Variants in FARP2 observed in about 807,000 individuals in gnomAD.
The protein encoded by FARP2 is FERM, ARHGEF and pleckstrin domain-containing protein 2.
Under a neutral mutation model 130.5 loss-of-function variants are expected in FARP2, and 111 were observed. The ratio of observed to expected loss-of-function variants is 0.85; its 90% CI spans 0.73 to 1.00. The LOEUF (loss-of-function observed/expected upper bound fraction) is 1.00. Among genes scored for constraint, FARP2 ranks in the 50% least tolerant of loss-of-function variants. The probability of loss-of-function intolerance (pLI) is 0.00; values close to 1 mark genes in which losing one functional copy is unlikely to be tolerated. For synonymous variants in FARP2, 504 were observed against 516.9 expected, an observed-to-expected ratio of 0.98 and a Z score of 0.34; for missense variants, 1,385 against 1,346.3, an observed-to-expected ratio of 1.03 and a Z score of -0.45.
intron 8 of FARP2, among the ~76,000 whole-genome samples, chr2:241,430,697 A>G (rs2063068999): frequency 1.3e-5 from 2 of 152,146 alleles, no homozygotes; most frequent in South Asian, 4.2e-4. Context: ...ATTTTGCAAT[A>G]AAACCTTATC....
At position 241,491,545 on chromosome 2, in the gene FARP2, G is replaced by A. The variant is rs1485369801; in HGVS notation, c.2653G>A (p.Glu885Lys). Residue 885 changes from glutamate to lysine, a missense_variant, in exon 24 of 27, where the codon GAG becomes AAG. By Grantham distance (56) the Glu-to-Lys change is moderately conservative. Coordinates refer to ENST00000264042, the MANE Select transcript of FARP2 (RefSeq NM_014808.4). ...RSPNEVSLEQ[E>K]SEDDARGVRS... ...CCCCAACGAGGTATCTCTGGAGCAG[G>A]AGTCAGAAGATGATGCTCGGGGTGT... 11 of 1,613,712 alleles carry A rather than the reference G, an allele frequency of 6.8e-6. No individual in the cohort carries two copies. The highest frequency in any genetic ancestry group is 9.3e-6 in the Non-Finnish European group (11 of 1,179,894).
At chr2:241,378,429 T>TTTTTTTTTTTTTA (rs1575474116) in intron 2 of FARP2, among the ~76,000 whole-genome samples, 6 of 149,448 alleles carry the variant, frequency 4.0e-5, no homozygotes, top group African/African-American at 7.4e-5. Context: ...TTTTTTTTTT[T>TTTTTTTTTTTTTA]GAGTCAGGAT....
In FARP2 at chr2:241,475,936, G is replaced by A. The variant is rs771712014; in HGVS notation, c.2211G>A (p.Thr737=). 43 of 1,613,932 alleles carry A rather than the reference G, an allele frequency of 2.7e-5. No homozygotes were observed. The highest frequency in any genetic ancestry group is 2.1e-4 in the South Asian group (19 of 91,074). The part of the protein sequence containing the change: ...LIRLENLQKL[T]ELQRDLVGIE... ...GGCTGGAGAACCTGCAGAAGCTAAC[G>A]GAGCTGCAGCGGGACCTGGTGGGCA... Residue 737 remains threonine (T), a synonymous_variant, in exon 19 of 27, where the codon ACG becomes ACA. Transcript: ENST00000264042. The surrounding 1 kb of genome is among the most constrained non-coding windows in gnomAD (Gnocchi z 4.4).
intron 19 of FARP2, 26 bp from the exon 20 acceptor site, chr2:241,483,439 A>G: frequency 1.2e-6 from 2 of 1,610,220 alleles, no homozygotes; most frequent in Middle Eastern, 1.7e-4. Flanking sequence ...AGCCCGCTGA[A>G]AGGGGACTCT....
At chr2:241,484,016 A>T in intron 20 of FARP2, 1 of 1,344,862 alleles carries the variant, frequency 7.4e-7, no homozygotes, top group Non-Finnish European at 9.6e-7. Context: ...CTTCTCAGCC[A>T]AGCTAGCTGG....
At position 241,373,240 on chromosome 2, in the gene FARP2, C is replaced by T. The variant is rs61739735; in HGVS notation, c.133C>T (p.His45Tyr). Reference protein sequence around the residue: ...LLPRMQEKHLHLRVKLLDNTM... With the variant: ...LLPRMQEKHLYLRVKLLDNTM... Reference sequence around the variant, plus strand: ...GCCCAGAATGCAAGAGAAGCACCTGCACCTCAGAGTAAAGCTGCTGGACAA... The same window carrying T: ...GCCCAGAATGCAAGAGAAGCACCTGTACCTCAGAGTAAAGCTGCTGGACAA... Residue 45 changes from histidine (H) to tyrosine (Y), a missense_variant, in exon 2 of 27, where the codon CAC becomes TAC. Coordinates refer to ENST00000264042, the MANE Select transcript of FARP2 (RefSeq NM_014808.4). 6.2e-3 allele frequency: 9,601 copies of T among 1,553,528 alleles called. 40 individuals are homozygous for T. The highest frequency in any genetic ancestry group is 7.7e-3 in the Non-Finnish European group (8,819 of 1,143,074).
Position 241,466,692 on chromosome 2 carries a change from C to A in FARP2, c.1894-1448C>A, listed in dbSNP as rs116571422. ...CGCCTTCACTCCCCTTCCAACCACC[C>A]CCCCCCCCACCACCACCACCCGTAC... is the stretch of plus-strand genomic sequence containing the variant. On this transcript the variant is annotated intron_variant, in intron 17 of 26. Transcript: ENST00000264042. 8.6e-5 allele frequency: 57 copies of A among 661,146 alleles called. 1 individual carries two copies. The highest frequency in any genetic ancestry group is 9.6e-5 in the Non-Finnish European group (52 of 541,116). 41.0% of individuals were successfully genotyped at this position (661,146 alleles called of 1,614,324 possible).
chr2:241,493,526 C>A, intron 26 of FARP2, 82 bp downstream of exon 26: 2 of 1,370,726 alleles, frequency 1.5e-6, no homozygotes, highest in Non-Finnish European at 1.0e-6. Context: ...GTGGTGGAGG[C>A]AAGTTTTCTG....
At chr2:241,488,435 TA>T (rs1208224860) in intron 21 of FARP2, 2 of 150,188 alleles carry the variant, frequency 1.3e-5, no homozygotes, top group East Asian at 1.9e-4. Context: ...TTTTTTTTTT[TA>T]GATGGAGTCT....
intron 1 of FARP2, among the ~76,000 whole-genome samples, chr2:241,369,083 G>A (rs143775749): frequency 2.0e-5 from 3 of 152,122 alleles, no homozygotes; most frequent in Admixed American, 6.5e-5. Flanking sequence ...CCATGTTGAC[G>A]TCTGTCTGGG....
intron 2 of FARP2, among the ~76,000 whole-genome samples, chr2:241,389,006 T>G (rs994732437): frequency 1.3e-5 from 2 of 151,186 alleles, no homozygotes; most frequent in African/African-American, 2.4e-5. Flanking sequence ...TGAGGCGGGG[T>G]GAGGTGGCTC....
intron 7 of FARP2, among the ~76,000 whole-genome samples, chr2:241,417,039 G>T (rs1045325109): frequency 6.6e-6 from 1 of 152,040 alleles, no homozygotes; most frequent in Non-Finnish European, 1.5e-5. Flanking sequence ...AGTGGCTCTC[G>T]CCTGTAATCC....
Position 241,491,173 on chromosome 2 carries a change from C to A in FARP2, c.2617C>A (p.Pro873Thr). Reference sequence around the variant, plus strand: ...GCCAGGCCGCACTGTGTGCACTCGTCCCCCCAGTGAGTGCTGGCCACAACC... The same window carrying A: ...GCCAGGCCGCACTGTGTGCACTCGTACCCCCAGTGAGTGCTGGCCACAACC... ...ALPGRTVCTR[P>T]PRSPNEVSLE... Residue 873 changes from proline (P) to threonine (T), a missense_variant, in exon 23 of 27, where the codon CCC (proline) becomes ACC (threonine). Physicochemically the swap from Pro to Thr is conservative, Grantham distance 38. Transcript: ENST00000264042. The A allele has an allele frequency of 1.9e-6, 3 of 1,606,014 alleles. No individual in the cohort carries two copies. Among genetic ancestry groups the A allele is most frequent in the Non-Finnish European group, 1.7e-6 (2 of 1,173,328 alleles).
rs1283871086 is a variant in FARP2, at chr2:241,483,541, C to A, written c.2331+8C>A. On this transcript the variant is annotated splice_region_variant and intron_variant, in intron 20 of 26. Coordinates refer to ENST00000264042, the MANE Select transcript of FARP2 (RefSeq NM_014808.4). ...CAGAGGATGTTTTTTCTGGTAGGTT[C>A]TCTCCCCACTCAAGCTGTGCTTCCC... 6.2e-7 allele frequency: 1 copy of A among 1,613,176 alleles called. No individual in the cohort carries two copies.
At chr2:241,474,838 A>AATAAATAG (rs1286652929) in intron 18 of FARP2, among the ~76,000 whole-genome samples, 43 of 149,892 alleles carry the variant, frequency 2.9e-4, no homozygotes, top group African/African-American at 7.3e-4. Flanking sequence ...TAAATAAATA[A>AATAAATAG]AAAGAAAGAA....
At chr2:241,493,489 T>TCCGCTCAGCTCCCATTTCTACTC (rs1366337009) in intron 26 of FARP2, 45 bp downstream of exon 26, 1 of 1,581,682 alleles carries the variant, frequency 6.3e-7, no homozygotes, top group East Asian at 2.2e-5. Context: ...CATTTCGATG[T>TCCGCTCAGCTCCCATTTCTACTC]CCGCTCAGCT....
chr2:241,489,945 G>A lies in FARP2; in HGVS notation c.2422-17G>A, dbSNP rs368312940. 29 of 1,574,020 alleles carry A rather than the reference G, an allele frequency of 1.8e-5. No individual in the cohort carries two copies. The Middle Eastern group carries it at 6.7e-4, about 36-fold the overall frequency. On this transcript the variant is annotated splice_polypyrimidine_tract_variant and intron_variant, in intron 21 of 26. Transcript: ENST00000264042. ...CCTTCTTGGCCACAAGACTTGGACCGTTTCTCCCACCCACAGGTGGAAGAA... is the reference window on the plus strand; with the variant it reads ...CCTTCTTGGCCACAAGACTTGGACCATTTCTCCCACCCACAGGTGGAAGAA...
At chr2:241,479,337 G>A (rs181119131) in intron 19 of FARP2, among the ~76,000 whole-genome samples, 4 of 152,336 alleles carry the variant, frequency 2.6e-5, no homozygotes, top group Admixed American at 2.0e-4. Flanking sequence ...AGCAGCCTGC[G>A]CTTCACTGGC....
chr2:241,363,820 C>A (rs892191495), intron 1 of FARP2, among the ~76,000 whole-genome samples: 10 of 152,230 alleles, frequency 6.6e-5, no homozygotes, highest in African/African-American at 2.4e-4. Flanking sequence ...AGGATTTAAA[C>A]AAGATCAAGA....
Sources: gnomAD v4.1 joint callset for allele counts (sites outside exome capture counted in the v4.1 genomes callset) on GRCh38, gnomAD v4.1.1 for gene constraint, Gnocchi (gnomAD v3.1) non-coding constraint, MANE v1.5 for transcripts, NCBI Gene and HGNC (gene_info 2026-07-23, HGNC 2026-07-21) for gene names.